The following UNC13C variants were observed in gnomAD, a reference collection of about 807,000 sequenced individuals.
UNC13C encodes protein unc-13 homolog C.
In UNC13C, 174 loss-of-function variants were observed where a neutral mutation model predicts 245.4. The observed-to-expected ratio is 0.71, with a 90% confidence interval of 0.63 to 0.80. The LOEUF (loss-of-function observed/expected upper bound fraction) is 0.80. Ranked by LOEUF, UNC13C falls within the 30% of genes least tolerant of loss-of-function variation. UNC13C has a pLI of 0.00. For synonymous variants in UNC13C, 992 were observed against 895.1 expected (o/e 1.11, Z -1.93); for missense variants, 2,829 against 2,602.9 (o/e 1.09, Z -1.89).
intron 24 of UNC13C, 47 bp from the exon 25 acceptor site, chr15:54,525,502 T>G (rs775241747): frequency 6.9e-7 from 1 of 1,449,950 alleles, no homozygotes; most frequent in Non-Finnish European, 9.5e-7. Flanking sequence ...AACAGAGGCA[T>G]GCTTTCTCAA....
At chr15:54,580,523 G>C (rs1211885189) in intron 30 of UNC13C, among the ~76,000 whole-genome samples, 1 of 152,180 alleles carries the variant, frequency 6.6e-6, no homozygotes, top group African/African-American at 2.4e-5. Flanking sequence ...GGTTCTGCCT[G>C]GCTGCAAGAC....
chr15:54,290,990 G>C (rs888636642), intron 10 of UNC13C, among the ~76,000 whole-genome samples: 1 of 152,008 alleles, frequency 6.6e-6, no homozygotes, highest in Non-Finnish European at 1.5e-5. Context: ...GATGATAACT[G>C]TATCTTTTGC....
chr15:54,144,315 G>A (rs1018928515), intron 4 of UNC13C, among the ~76,000 whole-genome samples: 2 of 123,368 alleles, frequency 1.6e-5, no homozygotes, highest in East Asian at 4.8e-4. Flanking sequence ...TATAAAATAA[G>A]TAGTTTTGCA....
chr15:54,535,168 T>G (rs902093365), intron 26 of UNC13C, among the ~76,000 whole-genome samples: 1 of 152,104 alleles, frequency 6.6e-6, no homozygotes, highest in Non-Finnish European at 1.5e-5. Flanking sequence ...AGTAAAGGGA[T>G]GGAGAAAAAT....
rs576358697 is a variant in UNC13C at position 54,124,733 on chromosome 15, A to G, written c.2984-18285A>G. Reference sequence around the variant, plus strand: ...CTTGAAATTTTCTCCTAAGTTAACTAAGAGTTTTACATTTTTATATTTTAC... The same window carrying G: ...CTTGAAATTTTCTCCTAAGTTAACTGAGAGTTTTACATTTTTATATTTTAC... On this transcript the variant is annotated intron_variant, in intron 2 of 32. Transcript: ENST00000260323. Among the ~76,000 whole-genome samples the G allele has an allele frequency of 3.3e-5, 5 of 152,326 alleles. No individual in the cohort carries two copies. The East Asian group carries it at 9.6e-4, about 29-fold the overall frequency.
intron 19 of UNC13C, among the ~76,000 whole-genome samples, chr15:54,463,492 C>T: frequency 6.6e-6 from 1 of 151,916 alleles, no homozygotes; most frequent in Non-Finnish European, 1.5e-5. Flanking sequence ...GACCACGAAC[C>T]CACTGGGAGG....
chr15:54,602,019 G>T (rs938111765), intron 30 of UNC13C, among the ~76,000 whole-genome samples: 1 of 152,212 alleles, frequency 6.6e-6, no homozygotes, highest in South Asian at 2.1e-4. Flanking sequence ...CAGCAACCCA[G>T]TCCTCCTGTC....
At chr15:54,078,533 G>A (rs1309685724) in intron 2 of UNC13C, among the ~76,000 whole-genome samples, 7 of 152,084 alleles carry the variant, frequency 4.6e-5, no homozygotes, top group Non-Finnish European at 8.8e-5. Context: ...ACTGGTGTGA[G>A]ATGGGTTTTC....
At chr15:54,166,588 T>C (rs2033169789) in intron 4 of UNC13C, among the ~76,000 whole-genome samples, 1 of 152,128 alleles carries the variant, frequency 6.6e-6, no homozygotes, top group Admixed American at 6.5e-5. Flanking sequence ...GCAGACAGAA[T>C]GATGATTTGT....
chr15:54,558,993 G>GA (rs981510697), intron 29 of UNC13C, among the ~76,000 whole-genome samples: 79 of 152,024 alleles, frequency 5.2e-4, no homozygotes, highest in African/African-American at 1.8e-3. Context: ...ACTTTGACCT[G>GA]AAAAAATGCT....
At chr15:54,127,236 C>T (rs541527043) in intron 2 of UNC13C, among the ~76,000 whole-genome samples, 15 of 152,058 alleles carry the variant, frequency 9.9e-5, no homozygotes, top group Non-Finnish European at 1.9e-4. Context: ...AATCATTCTA[C>T]GATAAAGACA....
At chr15:54,119,460 G>A (rs1057174555) in intron 2 of UNC13C, among the ~76,000 whole-genome samples, 60 of 152,206 alleles carry the variant, frequency 3.9e-4, no homozygotes, top group African/African-American at 1.3e-3. Flanking sequence ...AAAACGTTGT[G>A]TGTATTCTGA....
chr15:54,568,502 T>C (rs1897613485), intron 30 of UNC13C, among the ~76,000 whole-genome samples: 1 of 152,160 alleles, frequency 6.6e-6, no homozygotes, highest in Admixed American at 6.6e-5. Flanking sequence ...ATGTTTCATG[T>C]GTCAAAGTTT....
At chr15:54,290,494 T>A (rs1055778559) in intron 10 of UNC13C, among the ~76,000 whole-genome samples, 1 of 152,068 alleles carries the variant, frequency 6.6e-6, no homozygotes, top group African/African-American at 2.4e-5. Flanking sequence ...GGAACATCAG[T>A]GGTCATTTAT....
intron 17 of UNC13C, among the ~76,000 whole-genome samples, chr15:54,373,745 C>T (rs1178539626): frequency 6.6e-6 from 1 of 152,228 alleles, no homozygotes; most frequent in Non-Finnish European, 1.5e-5. Flanking sequence ...TTGCCCGCAA[C>T]ATGGTGAGCA....
chr15:54,125,393 A>T (rs7165294), intron 2 of UNC13C, among the ~76,000 whole-genome samples: 1 of 152,010 alleles, frequency 6.6e-6, no homozygotes, highest in East Asian at 1.9e-4. Context: ...AATCTGGGAG[A>T]CGGAGGTTGC....
intron 2 of UNC13C, among the ~76,000 whole-genome samples, chr15:54,102,559 G>A (rs768256078): frequency 8.3e-4 from 126 of 152,298 alleles, no homozygotes; most frequent in Middle Eastern, 3.4e-3. Flanking sequence ...TGTTCTATCC[G>A]TGTTTTATAG....
intron 2 of UNC13C, among the ~76,000 whole-genome samples, chr15:54,064,347 A>G (rs1262716082): frequency 1.3e-5 from 2 of 152,210 alleles, no homozygotes; most frequent in African/African-American, 4.8e-5. Context: ...GATTACAAAA[A>G]TAATTGCAAC....
At chr15:53,937,978 G>C in the UNC13C span, among the ~76,000 whole-genome samples, 3 of 152,268 alleles carry the variant, frequency 2.0e-5, no homozygotes, top group Admixed American at 6.5e-5. Context: ...ACATAAACAA[G>C]TCTGCAAAAT....
Sources: gnomAD v4.1 joint callset for allele counts (sites outside exome capture counted in the v4.1 genomes callset) on GRCh38, gnomAD v4.1.1 for gene constraint, MANE v1.5 for transcripts, NCBI Gene and HGNC (gene_info 2026-07-23, HGNC 2026-07-21) for gene names.